Variants in AOAH observed in about 807,000 individuals in gnomAD.
AOAH encodes acyloxyacyl hydrolase, also known as acyloxyacyl hydrolase (neutrophil).
In AOAH, 64 loss-of-function variants were observed where a neutral mutation model predicts 92.2. The observed-to-expected ratio is 0.69, with a 90% CI of 0.57 to 0.86. The LOEUF is 0.86. Among genes scored for constraint, AOAH ranks in the 40% least tolerant of loss-of-function variants. AOAH has a pLI of 0.00. For missense variants in AOAH, 656 were observed against 694.6 expected, an observed-to-expected ratio of 0.94 and a Z score of 0.62; for synonymous variants, 263 against 254.5, an observed-to-expected ratio of 1.03 and a Z score of -0.32.
intron 13 of AOAH, among the ~76,000 whole-genome samples, chr7:36,574,406 C>T (rs929965460): frequency 2.0e-5 from 3 of 152,186 alleles, no homozygotes; most frequent in Non-Finnish European, 2.9e-5. Flanking sequence ...GTTGTCAAGA[C>T]AGGAGATCGC....
At position 36,621,592 on chromosome 7, in the gene AOAH, A is replaced by G. The variant is rs1349441625; in HGVS notation, c.653+118T>C. 5 of 968,276 alleles carry G rather than the reference A, an allele frequency of 5.2e-6. No homozygotes were observed. The Admixed American group carries it at 7.3e-5, about 14-fold the overall frequency. 60.0% of individuals were successfully genotyped at this position (968,276 alleles called of 1,614,324 possible). On this transcript the variant is annotated intron_variant, in intron 8 of 20. Transcript: ENST00000617537. ...TTCACTGAGCTTTACTTCAATCGGA[A>G]CATGAAAATCTCTTCTCTCTGTAAG... is the stretch of plus-strand genomic sequence containing the variant.
intron 13 of AOAH, among the ~76,000 whole-genome samples, chr7:36,559,949 A>G (rs1787136353): frequency 1.3e-5 from 2 of 152,182 alleles, no homozygotes; most frequent in Non-Finnish European, 2.9e-5. Flanking sequence ...TCTTCTGCCT[A>G]TGGCTTGTCA....
intron 1 of AOAH, among the ~76,000 whole-genome samples, chr7:36,694,221 G>A (rs975122145): frequency 6.6e-6 from 1 of 152,214 alleles, no homozygotes; most frequent in Admixed American, 6.5e-5. Flanking sequence ...TCAGGGCCAG[G>A]TGTGGTGGCT....
At chr7:36,575,151 T>C (rs555816845) in intron 13 of AOAH, among the ~76,000 whole-genome samples, 1 of 152,290 alleles carries the variant, frequency 6.6e-6, no homozygotes, top group African/African-American at 2.4e-5. Flanking sequence ...CTGTGATGAG[T>C]CACATGGCCA....
At chr7:36,699,026 T>TTTA (rs1554320649) in intron 1 of AOAH, among the ~76,000 whole-genome samples, 1 of 151,794 alleles carries the variant, frequency 6.6e-6, no homozygotes, top group Non-Finnish European at 1.5e-5. Flanking sequence ...CATTTTTTTT[T>TTTA]ATCCCACATG....
At chr7:36,618,847 G>A (rs978530692) in intron 9 of AOAH, among the ~76,000 whole-genome samples, 9 of 152,214 alleles carry the variant, frequency 5.9e-5, no homozygotes, top group Middle Eastern at 3.2e-3. Context: ...CTGGCATCTA[G>A]TGGATAGAGG....
At chr7:36,595,608 A>AT (rs1790047325) in intron 11 of AOAH, among the ~76,000 whole-genome samples, 1 of 152,200 alleles carries the variant, frequency 6.6e-6, no homozygotes, top group East Asian at 1.9e-4. Context: ...ACAAGGAATA[A>AT]TTTTTTGGAT....
chr7:36,631,075 G>A (rs562224158), intron 6 of AOAH, among the ~76,000 whole-genome samples: 1 of 152,342 alleles, frequency 6.6e-6, no homozygotes, highest in Admixed American at 6.5e-5. Context: ...GATGGGCTTG[G>A]TGGCTCACGC....
Position 36,692,414 on chromosome 7 carries a change from A to G in AOAH, c.128-5620T>C, listed in dbSNP as rs112924310. Among the ~76,000 whole-genome samples, 502 of 152,176 alleles carry G rather than the reference A, an allele frequency of 3.3e-3. 4 individuals carry two copies. The highest frequency in any genetic ancestry group is 0.012 in the African/African-American group (485 of 41,532). Reference sequence around the variant, plus strand: ...ACTAGTGTTTTCATTACATTTGAGTAGATTAGACTCTGTGGCCTAACCTAA... The same window carrying G: ...ACTAGTGTTTTCATTACATTTGAGTGGATTAGACTCTGTGGCCTAACCTAA... On this transcript the variant is annotated intron_variant, in intron 1 of 20. Transcript: ENST00000617537.
intron 1 of AOAH, among the ~76,000 whole-genome samples, chr7:36,716,164 AG>A (rs1799156347): frequency 6.6e-6 from 1 of 152,244 alleles, no homozygotes; most frequent in South Asian, 2.1e-4. Flanking sequence ...AAGTGGGCAA[AG>A]GATATGAACA....
At chr7:36,526,483 G>A (rs144494026) in intron 19 of AOAH, among the ~76,000 whole-genome samples, 24 of 152,258 alleles carry the variant, frequency 1.6e-4, no homozygotes, top group African/African-American at 5.1e-4. Flanking sequence ...ACCAGACACT[G>A]GTCTTTACTT....
At chr7:36,720,354 G>C (rs1189918740) in intron 1 of AOAH, among the ~76,000 whole-genome samples, 1 of 145,024 alleles carries the variant, frequency 6.9e-6, no homozygotes, top group Non-Finnish European at 1.5e-5. Context: ...TTTTTTTTTA[G>C]TAGAGACAGG....
chr7:36,594,126 C>T (rs1789931374), intron 12 of AOAH, among the ~76,000 whole-genome samples: 1 of 152,182 alleles, frequency 6.6e-6, no homozygotes, highest in Non-Finnish European at 1.5e-5. Context: ...AACTCCACCC[C>T]CACCCTGCCC....
At chr7:36,711,965 G>A (rs780496417) in intron 1 of AOAH, among the ~76,000 whole-genome samples, 7 of 152,178 alleles carry the variant, frequency 4.6e-5, no homozygotes, top group Non-Finnish European at 8.8e-5. Context: ...AGGGAAGGAA[G>A]AGGAAAAGCT....
intron 16 of AOAH, among the ~76,000 whole-genome samples, chr7:36,537,821 C>A (rs1785174541): frequency 6.7e-6 from 1 of 150,302 alleles, no homozygotes; most frequent in South Asian, 2.1e-4. Context: ...CTGCACCCAG[C>A]CTAGTTGCAC....
At chr7:36,587,914 T>C (rs34127378) in intron 12 of AOAH, among the ~76,000 whole-genome samples, 3,535 of 152,296 alleles carry the variant, frequency 0.023, 88 homozygotes, top group Admixed American at 0.059. Context: ...AAACCATGAT[T>C]TGTTATCAAG....
At chr7:36,676,020 T>C (rs1168284522) in intron 2 of AOAH, among the ~76,000 whole-genome samples, 3 of 152,218 alleles carry the variant, frequency 2.0e-5, no homozygotes, top group Admixed American at 6.5e-5. Context: ...ACATGATATT[T>C]AGTGGTGAAA....
intron 12 of AOAH, among the ~76,000 whole-genome samples, chr7:36,587,271 C>CAAAAAAAA (rs57475443): frequency 5.1e-4 from 43 of 84,716 alleles, no homozygotes; most frequent in Middle Eastern, 6.4e-3. Flanking sequence ...GACTCCGTCT[C>CAAAAAAAA]AAAAAAAAAA....
At chr7:36,716,798 G>C (rs1037624540) in intron 1 of AOAH, among the ~76,000 whole-genome samples, 5 of 151,478 alleles carry the variant, frequency 3.3e-5, no homozygotes, top group Non-Finnish European at 4.4e-5. Flanking sequence ...ACAGGAAGGG[G>C]AACATCACAC....
Sources: gnomAD v4.1 joint callset for allele counts (sites outside exome capture counted in the v4.1 genomes callset) on GRCh38, gnomAD v4.1.1 for gene constraint, MANE v1.5 for transcripts, NCBI Gene and HGNC (gene_info 2026-07-23, HGNC 2026-07-21) for gene names.